The following RPS6KC1 variants were observed in gnomAD, a reference collection of about 807,000 sequenced individuals.
The protein encoded by RPS6KC1 is ribosomal protein S6 kinase C1.
In RPS6KC1, 54 loss-of-function variants were observed where a neutral mutation model predicts 103.8. That is an observed-to-expected ratio of 0.52 (90% CI 0.42 to 0.65). The LOEUF is 0.65. Among genes scored for constraint, RPS6KC1 ranks in the 30% least tolerant of loss-of-function variants. The probability of loss-of-function intolerance (pLI) is 0.00; values close to 1 mark genes in which losing one functional copy is unlikely to be tolerated. For synonymous variants in RPS6KC1, 439 were observed against 438.7 expected (o/e 1.00, Z -0.01); for missense variants, 1,151 against 1,253.8 (o/e 0.92, Z 1.24).
the RPS6KC1 span, among the ~76,000 whole-genome samples, chr1:213,391,850 G>A: frequency 6.6e-6 from 1 of 152,096 alleles, no homozygotes; most frequent in Admixed American, 6.5e-5. Context: ...TCCTGTCTGA[G>A]ATGCAGGGCC....
intron 6 of RPS6KC1, among the ~76,000 whole-genome samples, chr1:213,148,675 AG>A (rs2088193071): frequency 6.6e-6 from 1 of 152,182 alleles, no homozygotes; most frequent in African/African-American, 2.4e-5. Flanking sequence ...TTTTGATATC[AG>A]GGTAATACTG....
chr1:213,379,260 C>T, the RPS6KC1 span, among the ~76,000 whole-genome samples: 4 of 152,084 alleles, frequency 2.6e-5, no homozygotes, highest in African/African-American at 7.2e-5. Context: ...TTAATGTGAC[C>T]TTATTTGGAA....
chr1:213,710,646 C>G, the RPS6KC1 span, among the ~76,000 whole-genome samples: 1 of 152,154 alleles, frequency 6.6e-6, no homozygotes, highest in South Asian at 2.1e-4. Flanking sequence ...TTTGCAGTGG[C>G]TGGTACCGGT....
chr1:213,735,765 C>T, the RPS6KC1 span, among the ~76,000 whole-genome samples: 28 of 152,300 alleles, frequency 1.8e-4, no homozygotes, highest in African/African-American at 6.7e-4. Flanking sequence ...TTTTTAACTA[C>T]TGGCTTTATA....
At chr1:213,125,371 CTAT>C (rs1320729699) in intron 5 of RPS6KC1, among the ~76,000 whole-genome samples, 4 of 151,924 alleles carry the variant, frequency 2.6e-5, no homozygotes, top group African/African-American at 7.3e-5. Flanking sequence ...ATATCATAAT[CTAT>C]TATTAGGAAT....
the RPS6KC1 span, among the ~76,000 whole-genome samples, chr1:213,396,922 G>A: frequency 1.3e-5 from 2 of 152,300 alleles, no homozygotes; most frequent in South Asian, 2.1e-4. Context: ...CAGGCTCCAC[G>A]ATGGCCAGGG....
At chr1:213,807,697 G>GT in the RPS6KC1 span, among the ~76,000 whole-genome samples, 14,319 of 151,764 alleles carry the variant, frequency 0.094, 1,150 homozygotes, top group East Asian at 0.21. Context: ...TTTTTTCAAA[G>GT]TTTTAACTTC....
At chr1:213,595,888 T>G in the RPS6KC1 span, among the ~76,000 whole-genome samples, 1 of 152,240 alleles carries the variant, frequency 6.6e-6, no homozygotes, top group Non-Finnish European at 1.5e-5. Context: ...ATTTTAGTGA[T>G]CCCTGAAGAA....
At chr1:213,792,500 T>A in the RPS6KC1 span, among the ~76,000 whole-genome samples, 1 of 152,010 alleles carries the variant, frequency 6.6e-6, no homozygotes, top group Non-Finnish European at 1.5e-5. Context: ...CCCTCCTCCT[T>A]TTAAATTGAG....
At chr1:213,337,317 C>G in the RPS6KC1 span, among the ~76,000 whole-genome samples, 15 of 152,192 alleles carry the variant, frequency 9.9e-5, no homozygotes, top group Non-Finnish European at 1.9e-4. Flanking sequence ...TGAAGTACAG[C>G]CAGAAGACCT....
the RPS6KC1 span, among the ~76,000 whole-genome samples, chr1:213,460,841 C>T: frequency 8.2e-4 from 125 of 152,162 alleles, 1 homozygote; most frequent in Middle Eastern, 3.4e-3. Flanking sequence ...TTCTCTTTTG[C>T]TTATGAAGCT....
chr1:213,833,409 C>T, the RPS6KC1 span, among the ~76,000 whole-genome samples: 2 of 152,148 alleles, frequency 1.3e-5, no homozygotes, highest in Admixed American at 1.3e-4. Context: ...TCTATCATTC[C>T]TATTCAAATT....
At chr1:213,538,821 C>T in the RPS6KC1 span, among the ~76,000 whole-genome samples, 1 of 152,048 alleles carries the variant, frequency 6.6e-6, no homozygotes, top group East Asian at 1.9e-4. Flanking sequence ...TACTTATGGG[C>T]TATAATCACC....
At chr1:213,469,196 G>C in the RPS6KC1 span, among the ~76,000 whole-genome samples, 3 of 152,056 alleles carry the variant, frequency 2.0e-5, no homozygotes, top group African/African-American at 7.2e-5. Flanking sequence ...AGAGATGCAG[G>C]ATGTATATTT....
chr1:213,498,021 T>C, the RPS6KC1 span, among the ~76,000 whole-genome samples: 1 of 152,174 alleles, frequency 6.6e-6, no homozygotes, highest in Non-Finnish European at 1.5e-5. Flanking sequence ...AAAATAATGC[T>C]GAAGATCTTT....
chr1:213,602,056 C>CTTTCTT, the RPS6KC1 span, among the ~76,000 whole-genome samples: 1 of 56,376 alleles, frequency 1.8e-5, no homozygotes, highest in Non-Finnish European at 3.2e-5. Context: ...TTCTTTCTTT[C>CTTTCTT]TCTTTCTTTC....
At chr1:213,698,078 C>CT in the RPS6KC1 span, among the ~76,000 whole-genome samples, 1 of 152,164 alleles carries the variant, frequency 6.6e-6, no homozygotes. Flanking sequence ...AATAGTTCAA[C>CT]TTTATGATGG....
chr1:213,117,104 G>A (rs1050889500), intron 4 of RPS6KC1, among the ~76,000 whole-genome samples: 12 of 152,070 alleles, frequency 7.9e-5, no homozygotes, highest in Non-Finnish European at 1.6e-4. Context: ...CCCAGTTTCT[G>A]CCATTAAATA....
chr1:213,314,047 C>T, the RPS6KC1 span, among the ~76,000 whole-genome samples: 1 of 152,152 alleles, frequency 6.6e-6, no homozygotes, highest in African/African-American at 2.4e-5. Flanking sequence ...CTGCTTCCTC[C>T]GAGACTCCAG....
Sources: allele counts gnomAD v4.1 joint callset (sites outside exome capture counted in the v4.1 genomes callset), GRCh38; gene constraint gnomAD v4.1.1; transcripts MANE v1.5; gene names NCBI Gene and HGNC (gene_info 2026-07-23, HGNC 2026-07-21).